WWOX: variants seen among roughly 807,000 people sequenced by gnomAD.
WWOX encodes the protein WW domain containing oxidoreductase, also known as WW domain-containing oxidoreductase.
Under a neutral mutation model 46.2 loss-of-function variants are expected in WWOX, and 69 were observed. The observed-to-expected ratio is 1.49, with a 90% confidence interval of 1.23 to 1.82. The LOEUF is 1.82. Among genes scored for constraint, WWOX ranks in the 40% most tolerant of loss-of-function variants. The pLI is 0.00. For synonymous variants in WWOX, 359 were observed against 202.6 expected, an observed-to-expected ratio of 1.77 and a Z score of -6.56; for missense variants, 919 against 542.6, an observed-to-expected ratio of 1.69 and a Z score of -6.89.
At chr16:78,862,992 C>A in intron 8 of WWOX, among the ~76,000 whole-genome samples, 1 of 137,352 alleles carries the variant, frequency 7.3e-6, no homozygotes, top group African/African-American at 2.7e-5. Context: ...TGGAGTCTTG[C>A]TCTGTTGCCA....
chr16:78,511,683 G>C (rs956266649), intron 8 of WWOX, among the ~76,000 whole-genome samples: 2 of 152,116 alleles, frequency 1.3e-5, no homozygotes, highest in South Asian at 4.1e-4. Flanking sequence ...AGTACCCCCC[G>C]CCTAGGGTGC....
chr16:78,926,315 G>T (rs1385214496), intron 8 of WWOX, among the ~76,000 whole-genome samples: 1 of 151,334 alleles, frequency 6.6e-6, no homozygotes. Flanking sequence ...GGAGATTGCA[G>T]TGAGCCATGC....
intron 8 of WWOX, among the ~76,000 whole-genome samples, chr16:78,743,071 ACCCGATCAGCC>A: frequency 6.6e-6 from 1 of 151,876 alleles, no homozygotes; most frequent in Non-Finnish European, 1.5e-5. Context: ...CAGGAAGTGA[ACCCGATCAGCC>A]CCCGAAGGAA....
At chr16:78,520,349 A>G (rs188488163) in intron 8 of WWOX, among the ~76,000 whole-genome samples, 3 of 152,320 alleles carry the variant, frequency 2.0e-5, no homozygotes, top group East Asian at 3.9e-4. Context: ...AGAAGGAGTA[A>G]TTTGACCAGC....
At chr16:79,088,771 C>CT (rs2150595737) in intron 8 of WWOX, among the ~76,000 whole-genome samples, 1 of 152,218 alleles carries the variant, frequency 6.6e-6, no homozygotes, top group Admixed American at 6.5e-5. Flanking sequence ...GCTAAGACTG[C>CT]TTTAGATATA....
chr16:78,583,142 T>G (rs1413795714), intron 8 of WWOX, among the ~76,000 whole-genome samples: 1 of 152,072 alleles, frequency 6.6e-6, no homozygotes, highest in Non-Finnish European at 1.5e-5. Context: ...TCCTTGTGAG[T>G]CTCTTAATTG....
chr16:78,545,787 C>A (rs113561743), intron 8 of WWOX, among the ~76,000 whole-genome samples: 1 of 152,150 alleles, frequency 6.6e-6, no homozygotes, highest in Non-Finnish European at 1.5e-5. Flanking sequence ...TGAGGCCTCT[C>A]TCCTTGGCTT....
chr16:79,091,128 C>G (rs993586049), intron 8 of WWOX, among the ~76,000 whole-genome samples: 1 of 152,162 alleles, frequency 6.6e-6, no homozygotes, highest in African/African-American at 2.4e-5. Context: ...GAGGGAGGCT[C>G]TCGAGGTTTT....
At chr16:79,192,284 C>T (rs1306377888) in intron 8 of WWOX, among the ~76,000 whole-genome samples, 1 of 151,948 alleles carries the variant, frequency 6.6e-6, no homozygotes, top group African/African-American at 2.4e-5. Flanking sequence ...CCCCAAACAG[C>T]TGTTATTTTC....
chr16:78,538,285 T>G (rs1391358012), intron 8 of WWOX, among the ~76,000 whole-genome samples: 1 of 151,294 alleles, frequency 6.6e-6, no homozygotes, highest in African/African-American at 2.4e-5. Flanking sequence ...ATCACATTAT[T>G]TTGGATGTCT....
rs186918090 is a variant in WWOX at position 78,739,042 on chromosome 16, C to A, written c.1056+306290C>A. 3.3e-5 allele frequency among the ~76,000 whole-genome samples: 5 copies of A among 152,282 alleles called. No homozygotes were observed. The East Asian group carries it at 7.7e-4, about 24-fold the overall frequency. On this transcript the variant is annotated intron_variant, in intron 8 of 8. Transcript: ENST00000566780. ...AGCCATGGTTTCCTGGTTGGATAGA[C>A]TTCCTCTGCCACCAGAATAAAGGAA...
intron 6 of WWOX, among the ~76,000 whole-genome samples, chr16:78,394,970 A>C (rs548167512): frequency 5.9e-5 from 9 of 152,242 alleles, no homozygotes; most frequent in African/African-American, 2.2e-4. Flanking sequence ...TGTAATGTGT[A>C]TTTTCACAGT....
chr16:78,884,640 G>A (rs760748405), intron 8 of WWOX, among the ~76,000 whole-genome samples: 3 of 152,158 alleles, frequency 2.0e-5, no homozygotes, highest in Admixed American at 6.5e-5. Flanking sequence ...TGACTAAAAA[G>A]CAAACTATTC....
At chr16:78,623,369 G>C (rs1055941859) in intron 8 of WWOX, among the ~76,000 whole-genome samples, 107 of 152,194 alleles carry the variant, frequency 7.0e-4, no homozygotes, top group African/African-American at 2.2e-3. Flanking sequence ...ATGGGAATTT[G>C]ATGATCTTAT....
At chr16:78,573,298 CA>C in intron 8 of WWOX, among the ~76,000 whole-genome samples, 1 of 152,196 alleles carries the variant, frequency 6.6e-6, no homozygotes, top group Middle Eastern at 3.4e-3. Context: ...AACAAACAAA[CA>C]AAACAAAACA....
chr16:79,131,888 G>T (rs1054637546), intron 8 of WWOX, among the ~76,000 whole-genome samples: 1 of 152,102 alleles, frequency 6.6e-6, no homozygotes, highest in Non-Finnish European at 1.5e-5. Flanking sequence ...CGTCTTACAC[G>T]GATGGCAGCA....
intron 8 of WWOX, among the ~76,000 whole-genome samples, chr16:79,194,849 C>T (rs1376303017): frequency 6.6e-6 from 1 of 152,146 alleles, no homozygotes; most frequent in African/African-American, 2.4e-5. Flanking sequence ...GAATCTACCA[C>T]GTCTAAGCAG....
intron 5 of WWOX, among the ~76,000 whole-genome samples, chr16:78,223,482 G>A (rs1439234161): frequency 6.6e-6 from 1 of 152,130 alleles, no homozygotes; most frequent in Non-Finnish European, 1.5e-5. Flanking sequence ...AGGTTGATGG[G>A]GGATGCTTGA....
chr16:78,286,292 G>A (rs557876606), intron 5 of WWOX, among the ~76,000 whole-genome samples: 9 of 152,350 alleles, frequency 5.9e-5, no homozygotes, highest in East Asian at 3.9e-4. Context: ...TGTACCATAT[G>A]GTTGCCCAGT....
Sources: gnomAD v4.1 joint callset for allele counts (sites outside exome capture counted in the v4.1 genomes callset) on GRCh38, gnomAD v4.1.1 for gene constraint, MANE v1.5 for transcripts, NCBI Gene and HGNC (gene_info 2026-07-23, HGNC 2026-07-21) for gene names.